The following MAP3K4 variants were observed in gnomAD, a reference collection of about 807,000 sequenced individuals.
MAP3K4 encodes mitogen-activated protein kinase kinase kinase 4.
In MAP3K4, 67 loss-of-function variants were observed where a neutral mutation model predicts 185.6. That is an observed-to-expected ratio of 0.36 (90% CI 0.30 to 0.44). The LOEUF (loss-of-function observed/expected upper bound fraction) is 0.44. Among genes scored for constraint, MAP3K4 ranks in the 20% least tolerant of loss-of-function variants. MAP3K4 has a pLI of 1.00. For synonymous variants in MAP3K4, 702 were observed against 710.4 expected (o/e 0.99, Z 0.19); for missense variants, 1,551 against 1,995.1 (o/e 0.78, Z 4.24).
At chr6:160,993,629 C>T (rs999862042) in intron 1 of MAP3K4, among the ~76,000 whole-genome samples, 1 of 151,966 alleles carries the variant, frequency 6.6e-6, no homozygotes, top group African/African-American at 2.4e-5. Flanking sequence ...AATTAGAATT[C>T]TGTATAACCC....
intron 7 of MAP3K4, among the ~76,000 whole-genome samples, chr6:161,085,017 C>A (rs547500280): frequency 5.3e-5 from 8 of 152,132 alleles, no homozygotes; most frequent in African/African-American, 2.4e-5. Flanking sequence ...CGTGGTGGCA[C>A]GCACCCGTGA....
In MAP3K4 at chr6:161,110,816, C is replaced by T. The variant is rs369969736; in HGVS notation, c.4396+902C>T. 1.1e-4 allele frequency among the ~76,000 whole-genome samples: 17 copies of T among 152,204 alleles called. No individual in the cohort carries two copies. The highest frequency in any genetic ancestry group is 4.1e-4 in the African/African-American group (17 of 41,462). On this transcript the variant is annotated intron_variant, in intron 23 of 26. Coordinates refer to ENST00000392142, the MANE Select transcript of MAP3K4 (RefSeq NM_005922.4). The surrounding 1 kb of genome is among the most constrained non-coding windows in gnomAD (Gnocchi z 4.8). ...CCTGTCCGCTACCTTGCTTTGGTGT[C>T]TGGGGTCATCCTGATGTTGGCTTAA...
intron 1 of MAP3K4, among the ~76,000 whole-genome samples, chr6:161,025,869 G>T (rs1228019534): frequency 1.6e-4 from 25 of 152,100 alleles, no homozygotes; most frequent in African/African-American, 6.0e-4. Context: ...TTTCCTCCCA[G>T]CTTTGACAGT....
At chr6:161,020,718 A>G (rs1291291229) in intron 1 of MAP3K4, among the ~76,000 whole-genome samples, 1 of 151,724 alleles carries the variant, frequency 6.6e-6, no homozygotes, top group Non-Finnish European at 1.5e-5. Flanking sequence ...GAAAATTTAC[A>G]TTCAAGTTCA....
At position 161,098,910 on chromosome 6, in the gene MAP3K4, T is replaced by C. The variant is rs539554363; in HGVS notation, c.3674+483T>C. On this transcript the variant is annotated intron_variant, in intron 17 of 26. Transcript: ENST00000392142. This position sits in a 1 kb window ranked among gnomAD's most constrained non-coding sequence, Gnocchi z 4.4. Reference sequence around the variant, plus strand: ...TTATAGAAGTGGAAAAATGAGTTCATGGGGTTTGTATGTCATATGGAGAAC... The same window carrying C: ...TTATAGAAGTGGAAAAATGAGTTCACGGGGTTTGTATGTCATATGGAGAAC... 3.3e-5 allele frequency among the ~76,000 whole-genome samples: 5 copies of C among 152,334 alleles called. No homozygotes were observed. The highest frequency in any genetic ancestry group is 5.9e-5 in the Non-Finnish European group (4 of 68,034).
chr6:161,107,939 C>G lies in MAP3K4; in HGVS notation c.4089C>G (p.Val1363=), dbSNP rs762448431. Residue 1363 remains valine, a synonymous_variant, in exon 21 of 27, where the codon GTC becomes GTG. Coordinates refer to ENST00000392142, the MANE Select transcript of MAP3K4 (RefSeq NM_005922.4). This position sits in a 1 kb window ranked among gnomAD's most constrained non-coding sequence, Gnocchi z 6.2. ...GGAAGGTGTACACCTGCATCAGCGTCGACACCGGGGAGCTGATGGCCATGA... is the reference window on the plus strand; with the variant it reads ...GGAAGGTGTACACCTGCATCAGCGTGGACACCGGGGAGCTGATGGCCATGA... The part of the protein sequence containing the change: ...QYGKVYTCIS[V]DTGELMAMKE... 4 of 1,613,874 alleles carry G rather than the reference C, an allele frequency of 2.5e-6. No homozygotes were observed. The highest frequency in any genetic ancestry group is 3.4e-6 in the Non-Finnish European group (4 of 1,180,024).
In MAP3K4 at chr6:161,075,851, T is replaced by C. The variant is rs73784742; in HGVS notation, c.2097+2239T>C. On this transcript the variant is annotated intron_variant, in intron 5 of 26. Transcript: ENST00000392142. This position sits in a 1 kb window ranked among gnomAD's most constrained non-coding sequence, Gnocchi z 4.3. Reference sequence around the variant, plus strand: ...GAAAAAACTAGAGACTGTCAGTGTTTTAAAATTATGGCCTATAATGTGCTA... The same window carrying C: ...GAAAAAACTAGAGACTGTCAGTGTTCTAAAATTATGGCCTATAATGTGCTA... 7.5e-3 allele frequency among the ~76,000 whole-genome samples: 1,139 copies of C among 152,314 alleles called. 13 individuals are homozygous for C. The highest frequency in any genetic ancestry group is 0.065 in the Middle Eastern group (19 of 294).
At position 161,086,726 on chromosome 6, in the gene MAP3K4, A is replaced by G; in HGVS notation, c.2556+59A>G. 7.1e-7 allele frequency: 1 copy of G among 1,406,428 alleles called. No homozygotes were observed. The highest frequency in any genetic ancestry group is 9.9e-7 in the Non-Finnish European group (1 of 1,007,526). 87.1% of individuals were successfully genotyped at this position (1,406,428 alleles called of 1,614,324 possible). A position where few individuals can be genotyped will look rare whatever the true frequency, so the allele number is the denominator to read the frequency against. On this transcript the variant is annotated intron_variant, in intron 9 of 26. Transcript: ENST00000392142. The surrounding 1 kb of genome is among the most constrained non-coding windows in gnomAD (Gnocchi z 4.8). ...TGCCTTTCCTTCTTTATTCTAAAACAGGCAGACTTTTTCTTGAAGGTCCAG... is the reference window on the plus strand; with the variant it reads ...TGCCTTTCCTTCTTTATTCTAAAACGGGCAGACTTTTTCTTGAAGGTCCAG...
At chr6:161,050,883 G>A (rs1018040310) in intron 3 of MAP3K4, among the ~76,000 whole-genome samples, 1 of 152,214 alleles carries the variant, frequency 6.6e-6, no homozygotes, top group African/African-American at 2.4e-5. Context: ...ACATACATAT[G>A]TACAATCCCC....
chr6:161,023,782 A>G (rs1311843503), intron 1 of MAP3K4, among the ~76,000 whole-genome samples: 1 of 152,228 alleles, frequency 6.6e-6, no homozygotes, highest in Admixed American at 6.5e-5. Context: ...AACCACAATT[A>G]CCAGTGTATC....
intron 2 of MAP3K4, among the ~76,000 whole-genome samples, chr6:161,039,578 T>C (rs1331070845): frequency 6.6e-6 from 1 of 152,200 alleles, no homozygotes; most frequent in Non-Finnish European, 1.5e-5. Flanking sequence ...ATTGACTCAT[T>C]GAAATTATTT....
In MAP3K4 at chr6:161,088,100, G is replaced by T; in HGVS notation, c.2823+146G>T. The T allele has an allele frequency of 1.4e-6, 1 of 718,356 alleles. No homozygotes were observed. Among genetic ancestry groups the T allele is most frequent in the Non-Finnish European group, 2.2e-6 (1 of 453,514 alleles). The allele number at this position is 718,356 out of a possible 1,614,324, so 44.5% of individuals were successfully genotyped here. On this transcript the variant is annotated intron_variant, in intron 10 of 26. Transcript: ENST00000392142. This position sits in a 1 kb window ranked among gnomAD's most constrained non-coding sequence, Gnocchi z 4.5. ...AAAAATATGCCTCAATGTGTTAATA[G>T]GTCATTTTGCAGCATAATTTGTACA...
chr6:161,109,867 C>T lies in MAP3K4; in HGVS notation c.4349C>T (p.Ala1450Val). The T allele has an allele frequency of 6.2e-7, 1 of 1,614,090 alleles. No homozygotes were observed. The highest frequency in any genetic ancestry group is 1.1e-5 in the South Asian group (1 of 91,072). Residue 1450 changes from alanine (A) to valine (V), a missense_variant, in exon 23 of 27, where the codon GCG becomes GTG. By Grantham distance (64) the Ala-to-Val change is moderately conservative. Transcript: ENST00000392142. The surrounding 1 kb of genome is among the most constrained non-coding windows in gnomAD (Gnocchi z 5.7). ...IRLYSKQITI[A>V]INVLHEHGIV... ...CTGTATTCAAAGCAGATCACCATTG[C>T]GATCAACGTCCTCCATGAGCATGGC... is the stretch of plus-strand genomic sequence containing the variant.
chr6:161,080,709 C>T lies in MAP3K4; in HGVS notation c.2098-172C>T, dbSNP rs187503429. 229 of 578,614 alleles carry T rather than the reference C, an allele frequency of 4.0e-4. No individual in the cohort carries two copies. Among genetic ancestry groups the T allele is most frequent in the Admixed American group, 1.0e-3 (30 of 30,012 alleles). 35.8% of individuals were successfully genotyped at this position (578,614 alleles called of 1,614,324 possible). A position where few individuals can be genotyped will look rare whatever the true frequency, so the allele number is the denominator to read the frequency against. Reference sequence around the variant, plus strand: ...GTTTTGTGATTTTTTAAAAAATCCTCATTTAGACCTCAGCTAACAGTGGTG... The same window carrying T: ...GTTTTGTGATTTTTTAAAAAATCCTTATTTAGACCTCAGCTAACAGTGGTG... On this transcript the variant is annotated intron_variant, in intron 5 of 26. Transcript: ENST00000392142. This position sits in a 1 kb window ranked among gnomAD's most constrained non-coding sequence, Gnocchi z 4.8.
chr6:161,068,816 CG>C (rs1341639728), intron 3 of MAP3K4, among the ~76,000 whole-genome samples: 2 of 152,116 alleles, frequency 1.3e-5, no homozygotes, highest in Admixed American at 1.3e-4. Flanking sequence ...CCAAGCTGTC[CG>C]TTGGAAATGG....
chr6:161,102,086 C>T, intron 18 of MAP3K4, 94 bp downstream of exon 18: 5 of 953,172 alleles, frequency 5.2e-6, no homozygotes, highest in Non-Finnish European at 8.1e-6. Flanking sequence ...ATGAGGATTC[C>T]TTGAAGATTC....
Position 161,071,849 on chromosome 6 carries a change from C to T in MAP3K4, c.1950+999C>T, listed in dbSNP as rs550030539. On this transcript the variant is annotated intron_variant, in intron 4 of 26. Transcript: ENST00000392142. The surrounding 1 kb of genome is among the most constrained non-coding windows in gnomAD (Gnocchi z 4.6). ...TGCTTTTAACTCATCCTCATAATCG[C>T]AGTGGTTATCTAGGACATTTTGGGA... Among the ~76,000 whole-genome samples the T allele has an allele frequency of 9.8e-5, 15 of 152,288 alleles. No individual in the cohort carries two copies. In the East Asian group the frequency reaches 2.7e-3, roughly 27 times the overall value.
chr6:161,085,351 A>G (rs1785657262), intron 7 of MAP3K4, among the ~76,000 whole-genome samples: 1 of 152,194 alleles, frequency 6.6e-6, no homozygotes, highest in African/African-American at 2.4e-5. Context: ...ACTTAAGTGT[A>G]TGAAACTATG....
Position 161,097,782 on chromosome 6 carries a change from T to G in MAP3K4, c.3525-496T>G, listed in dbSNP as rs1420890489. Among the ~76,000 whole-genome samples, 3 of 13,642 alleles carry G rather than the reference T, an allele frequency of 2.2e-4. No homozygotes were observed. Among genetic ancestry groups the G allele is most frequent in the Non-Finnish European group, 3.8e-4 (1 of 2,640 alleles). 8.9% of individuals were successfully genotyped at this position (13,642 alleles called of 152,430 possible). On this transcript the variant is annotated intron_variant, in intron 16 of 26. Coordinates refer to ENST00000392142, the MANE Select transcript of MAP3K4 (RefSeq NM_005922.4). This position sits in a 1 kb window ranked among gnomAD's most constrained non-coding sequence, Gnocchi z 4.9. ...GCTAGATAAGGACCACAGTTTTTTG[T>G]TTTTTTTTTAAAGCTTTGAGGGGAC...
Sources: gnomAD v4.1 joint callset for allele counts (sites outside exome capture counted in the v4.1 genomes callset) on GRCh38, gnomAD v4.1.1 for gene constraint, Gnocchi (gnomAD v3.1) non-coding constraint, MANE v1.5 for transcripts, NCBI Gene and HGNC (gene_info 2026-07-23, HGNC 2026-07-21) for gene names.